RAPGEF1: variants seen among roughly 807,000 people sequenced by gnomAD.
The protein encoded by RAPGEF1 is CRK SH3-binding GNRP.
A neutral mutation model predicts 143.3 loss-of-function variants in RAPGEF1; 33 were observed. The observed-to-expected ratio is 0.23, with a 90% confidence interval of 0.17 to 0.31. RAPGEF1 has a LOEUF of 0.31. Among genes scored for constraint, RAPGEF1 ranks in the 10% least tolerant of loss-of-function variants. The probability of loss-of-function intolerance (pLI) is 1.00; values close to 1 mark genes in which losing one functional copy is unlikely to be tolerated. For missense variants in RAPGEF1, 1,199 were observed against 1,645.4 expected, an observed-to-expected ratio of 0.73 and a Z score of 4.69; for synonymous variants, 629 against 676.5, an observed-to-expected ratio of 0.93 and a Z score of 1.09.
chr9:131,580,924 C>T (rs989417413), intron 25 of RAPGEF1, among the ~76,000 whole-genome samples: 2 of 151,940 alleles, frequency 1.3e-5, no homozygotes, highest in African/African-American at 4.8e-5. Context: ...GTGGGAGGAT[C>T]ACCTGAGGTC....
chr9:131,624,205 C>A (rs1474431789), intron 10 of RAPGEF1, among the ~76,000 whole-genome samples: 1 of 152,180 alleles, frequency 6.6e-6, no homozygotes, highest in East Asian at 1.9e-4. Flanking sequence ...ATACTCAGTT[C>A]TTCTGAGCTC....
In RAPGEF1 at chr9:131,583,049, A is replaced by G. The variant is rs1952124045; in HGVS notation, c.3415-347T>C. Reference sequence around the variant, plus strand: ...CCTGGCCCTGTTCGGCGGTGCAGCCAGAGGAGCTTCCCAGGCACACACTGA... The same window carrying G: ...CCTGGCCCTGTTCGGCGGTGCAGCCGGAGGAGCTTCCCAGGCACACACTGA... On this transcript the variant is annotated intron_variant, in intron 24 of 26. Transcript: ENST00000683357. This position sits in a 1 kb window ranked among gnomAD's most constrained non-coding sequence, Gnocchi z 4.7. Among the ~76,000 whole-genome samples the G allele has an allele frequency of 6.6e-6, 1 of 152,168 alleles. No homozygotes were observed. Among genetic ancestry groups the G allele is most frequent in the African/African-American group, 2.4e-5 (1 of 41,422 alleles).
At chr9:131,631,910 C>T (rs1385637458) in intron 5 of RAPGEF1, among the ~76,000 whole-genome samples, 2 of 141,424 alleles carry the variant, frequency 1.4e-5, no homozygotes, top group African/African-American at 2.5e-5. Context: ...GTGGGAGCAC[C>T]ACTTCAGACA....
rs911236257 is a variant in RAPGEF1, at chr9:131,650,304, G to A, written c.202-62C>T. 1 of 1,319,722 alleles carries A rather than the reference G, an allele frequency of 7.6e-7. No individual in the cohort carries two copies. The highest frequency in any genetic ancestry group is 1.1e-6 in the Non-Finnish European group (1 of 934,510). The allele number at this position is 1,319,722 out of a possible 1,614,324, so 81.8% of individuals were successfully genotyped here. A position where few individuals can be genotyped will look rare whatever the true frequency, so the allele number is the denominator to read the frequency against. Reference sequence around the variant, plus strand: ...AAATGGCTGTTTGAGGCCGAAGGGAGGGGTTGATGAAAGTCAATAGCTGTT... The same window carrying A: ...AAATGGCTGTTTGAGGCCGAAGGGAAGGGTTGATGAAAGTCAATAGCTGTT... On this transcript the variant is annotated intron_variant, in intron 2 of 26. Coordinates refer to ENST00000683357, the MANE Select transcript of RAPGEF1 (RefSeq NM_001377935.1). This position sits in a 1 kb window ranked among gnomAD's most constrained non-coding sequence, Gnocchi z 4.7.
In RAPGEF1 at chr9:131,635,053, G is replaced by A. The variant is rs145701611; in HGVS notation, c.651+3582C>T. ...AAAAGCAGCCCCAGAGCCAGATGAG[G>A]GGACAGGGGTCTATCTTTTACCTGA... On this transcript the variant is annotated intron_variant, in intron 5 of 26. Coordinates refer to ENST00000683357, the MANE Select transcript of RAPGEF1 (RefSeq NM_001377935.1). Among the ~76,000 whole-genome samples, 14 of 152,238 alleles carry A rather than the reference G, an allele frequency of 9.2e-5. No individual in the cohort carries two copies. In the East Asian group the frequency reaches 2.7e-3, roughly 29 times the overall value.
intron 1 of RAPGEF1, among the ~76,000 whole-genome samples, chr9:131,716,105 C>T (rs760051822): frequency 4.6e-5 from 7 of 152,166 alleles, no homozygotes; most frequent in Non-Finnish European, 7.3e-5. Context: ...GGATCCCACA[C>T]GAGGCTGCTT....
intron 1 of RAPGEF1, among the ~76,000 whole-genome samples, chr9:131,723,092 G>A (rs185202331): frequency 2.0e-5 from 3 of 152,248 alleles, no homozygotes; most frequent in African/African-American, 7.2e-5. Flanking sequence ...TACTCAGGAT[G>A]CTGAGGCAGG....
chr9:131,619,003 G>A (rs533473460), intron 12 of RAPGEF1, 48 bp downstream of exon 12: 4 of 1,323,028 alleles, frequency 3.0e-6, no homozygotes, highest in Admixed American at 4.2e-5. Flanking sequence ...TCCAAGGAAC[G>A]GCCCTGTTCA....
At chr9:131,589,731 C>T (rs1259241661) in intron 19 of RAPGEF1, among the ~76,000 whole-genome samples, 155 bp downstream of exon 19, 2 of 152,190 alleles carry the variant, frequency 1.3e-5, no homozygotes, top group Non-Finnish European at 2.9e-5. Flanking sequence ...TCACCCATCT[C>T]ACCCTGGTCT....
chr9:131,638,108 C>T (rs1966836736), intron 5 of RAPGEF1, among the ~76,000 whole-genome samples: 1 of 152,238 alleles, frequency 6.6e-6, no homozygotes. Context: ...CTTCTATGGC[C>T]TTTGCTTCCC....
chr9:131,664,854 G>T (rs1235166345), intron 1 of RAPGEF1, among the ~76,000 whole-genome samples: 1 of 152,096 alleles, frequency 6.6e-6, no homozygotes, highest in Non-Finnish European at 1.5e-5. Flanking sequence ...TTCTGAATTT[G>T]TAAAATATTT....
intron 12 of RAPGEF1, among the ~76,000 whole-genome samples, chr9:131,615,325 T>C (rs1273376629): frequency 2.0e-5 from 3 of 152,144 alleles, no homozygotes; most frequent in Admixed American, 2.0e-4. Context: ...CCGCCCACCT[T>C]GGCCTCCCAA....
intron 1 of RAPGEF1, among the ~76,000 whole-genome samples, chr9:131,739,200 C>A (rs929616376): frequency 6.6e-5 from 10 of 152,222 alleles, no homozygotes; most frequent in African/African-American, 2.4e-5. Context: ...CTCCAACCCA[C>A]CGGTCCCCCA....
chr9:131,680,177 T>C (rs1443501494), intron 1 of RAPGEF1, among the ~76,000 whole-genome samples: 1 of 152,244 alleles, frequency 6.6e-6, no homozygotes, highest in Non-Finnish European at 1.5e-5. Flanking sequence ...GAATCCAGTG[T>C]AGAGAGTTAG....
chr9:131,688,639 A>T (rs1833547656), intron 1 of RAPGEF1, among the ~76,000 whole-genome samples: 1 of 152,248 alleles, frequency 6.6e-6, no homozygotes. Flanking sequence ...AAATCTAAAT[A>T]ACAAGCCTGT....
Position 131,628,679 on chromosome 9 carries a change from C to T in RAPGEF1, c.894-7G>A. Reference sequence around the variant, plus strand: ...TGGCAATGCTGGTGGAGGACTGAAACAGACCGAAACGTCCAGGCAGACCAA... The same window carrying T: ...TGGCAATGCTGGTGGAGGACTGAAATAGACCGAAACGTCCAGGCAGACCAA... On this transcript the variant is annotated splice_region_variant and splice_polypyrimidine_tract_variant and intron_variant, in intron 7 of 26. Coordinates refer to ENST00000683357, the MANE Select transcript of RAPGEF1 (RefSeq NM_001377935.1). This position sits in a 1 kb window ranked among gnomAD's most constrained non-coding sequence, Gnocchi z 5.7. The T allele has an allele frequency of 6.3e-7, 1 of 1,595,032 alleles. No individual in the cohort carries two copies. The highest frequency in any genetic ancestry group is 8.6e-7 in the Non-Finnish European group (1 of 1,166,698).
At position 131,584,200 on chromosome 9, in the gene RAPGEF1, T is replaced by C. The variant is rs567522115; in HGVS notation, c.3414+111A>G. 101 of 1,016,132 alleles carry C rather than the reference T, an allele frequency of 9.9e-5. No homozygotes were observed. In the East Asian group the frequency reaches 2.6e-3, roughly 26 times the overall value. The allele number at this position is 1,016,132 out of a possible 1,614,324, so 62.9% of individuals were successfully genotyped here. A position where few individuals can be genotyped will look rare whatever the true frequency, so the allele number is the denominator to read the frequency against. ...GCATGTCGGTGGCAGAGCAGGGGCCTAGGCCCAGCATTTGCTCCAGTGGGA... is the reference window on the plus strand; with the variant it reads ...GCATGTCGGTGGCAGAGCAGGGGCCCAGGCCCAGCATTTGCTCCAGTGGGA... On this transcript the variant is annotated intron_variant, in intron 24 of 26. Transcript: ENST00000683357. This position sits in a 1 kb window ranked among gnomAD's most constrained non-coding sequence, Gnocchi z 6.8.
At chr9:131,609,443 A>G (rs959118816) in intron 12 of RAPGEF1, among the ~76,000 whole-genome samples, 1 of 152,160 alleles carries the variant, frequency 6.6e-6, no homozygotes, top group Non-Finnish European at 1.5e-5. Context: ...CTAACCATGC[A>G]ATCCCACAGC....
chr9:131,663,380 T>C (rs1376155661), intron 1 of RAPGEF1, among the ~76,000 whole-genome samples: 1 of 152,026 alleles, frequency 6.6e-6, no homozygotes, highest in East Asian at 1.9e-4. Context: ...AATAACATTA[T>C]CATACCCAAG....
Sources: gnomAD v4.1 joint callset for allele counts (sites outside exome capture counted in the v4.1 genomes callset) on GRCh38, gnomAD v4.1.1 for gene constraint, Gnocchi (gnomAD v3.1) non-coding constraint, MANE v1.5 for transcripts, NCBI Gene and HGNC (gene_info 2026-07-23, HGNC 2026-07-21) for gene names.